BTBD2: variants seen among roughly 807,000 people sequenced by gnomAD.
BTBD2 encodes BTB domain containing 2.
A neutral mutation model predicts 44.0 loss-of-function variants in BTBD2; 15 were observed. The observed-to-expected ratio is 0.34, with a 90% CI of 0.23 to 0.53. The LOEUF (loss-of-function observed/expected upper bound fraction) is 0.53, where lower values mean the gene tolerates loss of function less well. Ranked by LOEUF, BTBD2 falls within the 20% of genes least tolerant of loss-of-function variation. The pLI is 0.95. For missense variants in BTBD2, 657 were observed against 746.4 expected (o/e 0.88, Z 1.39); for synonymous variants, 443 against 335.9 (o/e 1.32, Z -3.49).
At position 1,993,038 on chromosome 19, in the gene BTBD2, G is replaced by A. The variant is rs528659596; in HGVS notation, c.666C>T (p.Ala222=). 6.5e-6 allele frequency: 10 copies of A among 1,550,078 alleles called. No homozygotes were observed. The Admixed American group carries it at 1.7e-4, about 27-fold the overall frequency. Residue 222 remains alanine (A), a synonymous_variant, in exon 3 of 9, where the codon GCC becomes GCT. Coordinates refer to ENST00000255608, the MANE Select transcript of BTBD2 (RefSeq NM_017797.4). ...FLKKNLRADN[A]FMLLTQARLF... Reference sequence around the variant, plus strand: ...CGCCCACCTGCGTGAGCAGCATGAAGGCGTTGTCGGCTCGCAGGTTCTTCT... The same window carrying A: ...CGCCCACCTGCGTGAGCAGCATGAAAGCGTTGTCGGCTCGCAGGTTCTTCT...
intron 3 of BTBD2, 113 bp from the exon 4 acceptor site, chr19:1,990,935 G>A (rs1219538605): frequency 1.0e-6 from 1 of 980,982 alleles, no homozygotes; most frequent in Non-Finnish European, 1.5e-6. Flanking sequence ...GCCTTCCTGA[G>A]CGTGGCCAGG....
At chr19:2,006,121 GTC>G (rs2016391517) in intron 1 of BTBD2, among the ~76,000 whole-genome samples, 1 of 151,234 alleles carries the variant, frequency 6.6e-6, no homozygotes, top group South Asian at 2.1e-4. Flanking sequence ...TTTTTAAAAA[GTC>G]TAAGAGTCCA....
At chr19:2,000,799 T>C (rs140989046) in intron 1 of BTBD2, among the ~76,000 whole-genome samples, 13 of 152,212 alleles carry the variant, frequency 8.5e-5, no homozygotes, top group East Asian at 3.9e-4. Context: ...CCAGCGTCCA[T>C]TGACAGACAC....
chr19:2,004,540 G>A (rs964858199), intron 1 of BTBD2, among the ~76,000 whole-genome samples: 3 of 151,658 alleles, frequency 2.0e-5, no homozygotes, highest in South Asian at 2.1e-4. Context: ...CAGGTGATTC[G>A]CCCGCCTCGG....
At chr19:1,992,949 G>T (rs1411541052) in intron 3 of BTBD2, 71 bp downstream of exon 3, 2 of 403,326 alleles carry the variant, frequency 5.0e-6, no homozygotes, top group Admixed American at 8.0e-5. Context: ...CTCCAGCCTC[G>T]GTCCGCCCCA....
Position 1,990,788 on chromosome 19 carries a change from A to C in BTBD2, c.719T>G (p.Leu240Arg). Reference sequence around the variant, plus strand: ...GTTTTTGTCGATGTTCTCCAGGCACAGGCTGGCCAGCTGCGGTTCATCGAA... The same window carrying C: ...GTTTTTGTCGATGTTCTCCAGGCACCGGCTGGCCAGCTGCGGTTCATCGAA... Reference protein sequence around the residue: ...RLFDEPQLASLCLENIDKNTA... With the variant: ...RLFDEPQLASRCLENIDKNTA... The change falls in exon 4 of 9, where the codon CTG becomes CGG. Residue 240 changes from leucine (L) to arginine (R), a missense_variant. Coordinates refer to ENST00000255608, the MANE Select transcript of BTBD2 (RefSeq NM_017797.4). 1.3e-6 allele frequency: 2 copies of C among 1,592,870 alleles called. No homozygotes were observed. Among genetic ancestry groups the C allele is most frequent in the Non-Finnish European group, 1.7e-6 (2 of 1,170,798 alleles).
chr19:1,997,960 C>T (rs920356564), intron 1 of BTBD2, among the ~76,000 whole-genome samples: 2 of 152,210 alleles, frequency 1.3e-5, no homozygotes, highest in African/African-American at 4.8e-5. Flanking sequence ...CATACACATG[C>T]ACTCATTCAT....
chr19:1,999,445 C>A (rs572530954), intron 1 of BTBD2, among the ~76,000 whole-genome samples: 1 of 152,200 alleles, frequency 6.6e-6, no homozygotes, highest in Non-Finnish European at 1.5e-5. Flanking sequence ...GCGGGAGGAT[C>A]GCTTGAGCCC....
intron 1 of BTBD2, among the ~76,000 whole-genome samples, chr19:1,999,047 C>G (rs2016289918): frequency 6.6e-6 from 1 of 152,108 alleles, no homozygotes; most frequent in South Asian, 2.1e-4. Context: ...AGCTGAACCT[C>G]CAGGACTGGC....
At chr19:1,997,508 C>T in intron 1 of BTBD2, 45 bp from the exon 2 acceptor site, 1 of 1,609,528 alleles carries the variant, frequency 6.2e-7, no homozygotes, top group Non-Finnish European at 8.5e-7. Context: ...GTGGCCGCCA[C>T]CCCACGGCCG....
At chr19:1,995,216 C>T (rs1273531280) in intron 2 of BTBD2, among the ~76,000 whole-genome samples, 1 of 151,688 alleles carries the variant, frequency 6.6e-6, no homozygotes, top group African/African-American at 2.4e-5. Context: ...ATCCACCCAC[C>T]TCAGCCTCCC....
chr19:1,999,843 T>C (rs2016304515), intron 1 of BTBD2, among the ~76,000 whole-genome samples: 1 of 151,314 alleles, frequency 6.6e-6, no homozygotes, highest in South Asian at 2.1e-4. Flanking sequence ...GTGCCTGTAA[T>C]CCCAGCTACT....
chr19:1,998,775 G>C (rs560777694), intron 1 of BTBD2, among the ~76,000 whole-genome samples: 9 of 152,162 alleles, frequency 5.9e-5, no homozygotes, highest in African/African-American at 2.2e-4. Context: ...GCATAGGGGG[G>C]TCACAGACAC....
At chr19:1,994,848 AT>A in intron 2 of BTBD2, among the ~76,000 whole-genome samples, 1 of 152,096 alleles carries the variant, frequency 6.6e-6, no homozygotes. Flanking sequence ...TGAGGTATAC[AT>A]TTTTAACATT....
At position 1,986,902 on chromosome 19, in the gene BTBD2, G is replaced by A. The variant is rs771854296; in HGVS notation, c.1344C>T (p.Thr448=). The A allele has an allele frequency of 1.7e-5, 27 of 1,613,150 alleles. No homozygotes were observed. The highest frequency in any genetic ancestry group is 2.0e-5 in the Non-Finnish European group (24 of 1,179,832). ...CCGGCTCCTTGAACATGACGCGGAA[G>A]GTGCTGGCTGAGCCGTCGCAGCTGA... The part of the protein sequence containing the change: ...TGFSCDGSAS[T]FRVMFKEPVE... Residue 448 remains threonine, a synonymous_variant, in exon 8 of 9, where the codon ACC becomes ACT. Transcript: ENST00000255608.
intron 1 of BTBD2, among the ~76,000 whole-genome samples, chr19:1,999,360 G>C (rs1048631762): frequency 6.6e-6 from 1 of 152,198 alleles, no homozygotes; most frequent in Non-Finnish European, 1.5e-5. Flanking sequence ...AACAGTGGCT[G>C]GTGTTTTTGG....
At chr19:1,997,895 C>G (rs1259523163) in intron 1 of BTBD2, among the ~76,000 whole-genome samples, 1 of 152,124 alleles carries the variant, frequency 6.6e-6, no homozygotes, top group Non-Finnish European at 1.5e-5. Flanking sequence ...CGTTCATTCA[C>G]TCATTCATTC....
At chr19:2,014,205 G>A (rs976837898) in intron 1 of BTBD2, 2 of 151,964 alleles carry the variant, frequency 1.3e-5, no homozygotes, top group African/African-American at 4.9e-5. Context: ...GGGGTCACCA[G>A]TAGGGGTCCC....
rs571628339 is a variant in BTBD2 at position 2,000,778 on chromosome 19, G to A, written c.408-3315C>T. On this transcript the variant is annotated intron_variant, in intron 1 of 8. Coordinates refer to ENST00000255608, the MANE Select transcript of BTBD2 (RefSeq NM_017797.4). The stretch of plus-strand genomic sequence containing the variant: ...AGCAGCACGATTCCCAACTCCGAAC[G>A]GGGGAAACAACCAGCGTCCATTGAC... Among the ~76,000 whole-genome samples, 7 of 152,264 alleles carry A rather than the reference G, an allele frequency of 4.6e-5. No homozygotes were observed. In the East Asian group the frequency reaches 5.8e-4, roughly 13 times the overall value.
Sources: gnomAD v4.1 joint callset for allele counts (sites outside exome capture counted in the v4.1 genomes callset) on GRCh38, gnomAD v4.1.1 for gene constraint, MANE v1.5 for transcripts, NCBI Gene and HGNC (gene_info 2026-07-23, HGNC 2026-07-21) for gene names.